The following GULP1 variants were observed in gnomAD, a reference collection of about 807,000 sequenced individuals.
GULP1 encodes GULP PTB domain containing engulfment adaptor 1.
Under a neutral mutation model 40.9 loss-of-function variants are expected in GULP1, and 19 were observed. That is an observed-to-expected ratio of 0.46 (90% CI 0.32 to 0.68). The LOEUF (loss-of-function observed/expected upper bound fraction) is 0.68. Among genes scored for constraint, GULP1 ranks in the 30% least tolerant of loss-of-function variants. GULP1 has a pLI of 0.03. For synonymous variants in GULP1, 119 were observed against 117.6 expected (o/e 1.01, Z -0.08); for missense variants, 312 against 362.2 (o/e 0.86, Z 1.12).
At chr2:188,329,737 G>A (rs1454423383) in intron 1 of GULP1, among the ~76,000 whole-genome samples, 1 of 152,114 alleles carries the variant, frequency 6.6e-6, no homozygotes, top group African/African-American at 2.4e-5. Context: ...CCAGTTAGGA[G>A]TCTGTTGAGA....
chr2:188,505,561 C>T (rs944841977), intron 4 of GULP1, among the ~76,000 whole-genome samples: 4 of 151,702 alleles, frequency 2.6e-5, no homozygotes, highest in Non-Finnish European at 4.4e-5. Context: ...GAATCACACA[C>T]TCTTCTGAGG....
intron 4 of GULP1, among the ~76,000 whole-genome samples, chr2:188,508,545 G>A (rs2064162157): frequency 6.6e-6 from 1 of 151,892 alleles, no homozygotes; most frequent in African/African-American, 2.4e-5. Context: ...TATACAAAGA[G>A]TACTACACTC....
At chr2:188,426,846 A>G (rs1251016480) in intron 2 of GULP1, among the ~76,000 whole-genome samples, 1 of 152,252 alleles carries the variant, frequency 6.6e-6, no homozygotes, top group Non-Finnish European at 1.5e-5. Context: ...AAGAGCATGC[A>G]GGGCTCAGAA....
intron 2 of GULP1, among the ~76,000 whole-genome samples, chr2:188,459,053 C>T (rs1251463763): frequency 2.6e-5 from 4 of 152,092 alleles, no homozygotes; most frequent in African/African-American, 7.2e-5. Flanking sequence ...AATAGTACTC[C>T]GTTGTGTATA....
At chr2:188,374,364 A>G (rs1559165022) in intron 1 of GULP1, among the ~76,000 whole-genome samples, 1 of 152,178 alleles carries the variant, frequency 6.6e-6, no homozygotes, top group Non-Finnish European at 1.5e-5. Flanking sequence ...CTTGGCAGAC[A>G]ACCAATTAAA....
chr2:188,383,662 G>A (rs1004208334), intron 1 of GULP1, 101 bp from the exon 2 acceptor site: 16 of 152,224 alleles, frequency 1.1e-4, no homozygotes, highest in East Asian at 3.9e-4. Flanking sequence ...TTTGCAAGAA[G>A]CATAATTGGA....
At chr2:188,430,654 A>C (rs895099661) in intron 2 of GULP1, among the ~76,000 whole-genome samples, 4 of 152,190 alleles carry the variant, frequency 2.6e-5, no homozygotes, top group Non-Finnish European at 5.9e-5. Context: ...CCCTTCTGTC[A>C]CTCAGCTCCA....
intron 2 of GULP1, among the ~76,000 whole-genome samples, chr2:188,462,117 A>G (rs1251380908): frequency 6.6e-6 from 1 of 151,864 alleles, no homozygotes; most frequent in African/African-American, 2.4e-5. Flanking sequence ...GTGCTTCAGT[A>G]TGTTATGTTT....
At chr2:188,586,804 A>C (rs1057480836) in intron 10 of GULP1, among the ~76,000 whole-genome samples, 2 of 152,126 alleles carry the variant, frequency 1.3e-5, no homozygotes, top group African/African-American at 4.8e-5. Context: ...ACTCCTTCAC[A>C]ATGAGAATCA....
At chr2:188,367,123 C>T (rs13384413) in intron 1 of GULP1, among the ~76,000 whole-genome samples, 30,704 of 152,094 alleles carry the variant, frequency 0.2, 3,296 homozygotes, top group African/African-American at 0.27. Context: ...GGCAGAAAAT[C>T]TGTCTTGTTC....
intron 4 of GULP1, among the ~76,000 whole-genome samples, chr2:188,504,403 A>G (rs924506700): frequency 2.0e-5 from 3 of 151,904 alleles, no homozygotes; most frequent in African/African-American, 4.8e-5. Flanking sequence ...TACCCCTACA[A>G]TGCATTTCAA....
chr2:188,337,610 G>T (rs2042443847), intron 1 of GULP1, among the ~76,000 whole-genome samples: 1 of 151,762 alleles, frequency 6.6e-6, no homozygotes, highest in African/African-American at 2.4e-5. Context: ...GAAAGCCATG[G>T]TAGAGCTTAT....
chr2:188,438,342 TATATAC>T (rs935596388), intron 2 of GULP1, among the ~76,000 whole-genome samples: 16 of 151,588 alleles, frequency 1.1e-4, no homozygotes, highest in Non-Finnish European at 1.5e-4. Context: ...AAGAGTGTGA[TATATAC>T]ATATATAGAT....
chr2:188,311,476 G>A (rs891613225), intron 1 of GULP1, among the ~76,000 whole-genome samples: 9 of 152,224 alleles, frequency 5.9e-5, no homozygotes, highest in East Asian at 1.9e-4. Context: ...GATTATAGGC[G>A]TGAGCCACCA....
At chr2:188,530,732 T>G (rs1446990461) in intron 6 of GULP1, among the ~76,000 whole-genome samples, 4 of 152,200 alleles carry the variant, frequency 2.6e-5, no homozygotes, top group Non-Finnish European at 5.9e-5. Context: ...AAATTCCTGT[T>G]GGATAAGCCA....
At chr2:188,399,543 T>C (rs2051801415) in intron 2 of GULP1, among the ~76,000 whole-genome samples, 1 of 151,942 alleles carries the variant, frequency 6.6e-6, no homozygotes, top group East Asian at 1.9e-4. Context: ...AAACTCTTTT[T>C]CATAAGTGTT....
intron 4 of GULP1, among the ~76,000 whole-genome samples, chr2:188,483,824 A>T (rs181442890): frequency 4.0e-3 from 603 of 152,318 alleles, no homozygotes; most frequent in Admixed American, 8.0e-3. Flanking sequence ...ATGTTACATT[A>T]TACAACCTAA....
intron 9 of GULP1, among the ~76,000 whole-genome samples, chr2:188,573,777 A>G (rs1319557795): frequency 1.3e-5 from 2 of 152,214 alleles, no homozygotes; most frequent in Non-Finnish European, 2.9e-5. Flanking sequence ...GTAAATTATG[A>G]ATCCCGTGAT....
intron 5 of GULP1, among the ~76,000 whole-genome samples, chr2:188,526,845 A>G (rs1686284052): frequency 1.3e-5 from 2 of 152,100 alleles, no homozygotes; most frequent in Non-Finnish European, 2.9e-5. Flanking sequence ...ATTCCTAAAA[A>G]CCCACTTTAT....
Sources: gnomAD v4.1 joint callset for allele counts (sites outside exome capture counted in the v4.1 genomes callset) on GRCh38, gnomAD v4.1.1 for gene constraint, MANE v1.5 for transcripts, NCBI Gene and HGNC (gene_info 2026-07-23, HGNC 2026-07-21) for gene names.